The following UQCC5 variants were observed in gnomAD, a reference collection of about 807,000 sequenced individuals.
UQCC5 encodes ubiquinol-cytochrome c reductase complex assembly factor 5.
At chr3:52,540,297 T>C in the UQCC5 span, 9 of 673,726 alleles carry the variant, frequency 1.3e-5, no homozygotes, top group Non-Finnish European at 2.2e-5. Flanking sequence ...TATTTTGGCA[T>C]TGAGTTAAAT....
the UQCC5 span, chr3:52,541,443 AAC>A: frequency 1.3e-5 from 2 of 151,848 alleles, no homozygotes; most frequent in African/African-American, 4.9e-5. Context: ...CTCTGCCACA[AAC>A]ATGTCTCCTA....
chr3:52,540,032 T>A, the UQCC5 span, among the ~76,000 whole-genome samples: 4 of 152,200 alleles, frequency 2.6e-5, no homozygotes, highest in African/African-American at 4.8e-5. Context: ...CACCTGAAGG[T>A]TTCTGGATAT....
the UQCC5 span, among the ~76,000 whole-genome samples, chr3:52,537,870 G>T: frequency 6.6e-6 from 1 of 152,196 alleles, no homozygotes; most frequent in African/African-American, 2.4e-5. Context: ...TGAGGGGAAG[G>T]TGTGTGGAAT....
the UQCC5 span, among the ~76,000 whole-genome samples, chr3:52,538,709 C>A: frequency 6.6e-6 from 1 of 152,194 alleles, no homozygotes; most frequent in Non-Finnish European, 1.5e-5. Flanking sequence ...GATCTGCCCA[C>A]CTTGGCCTCC....
the UQCC5 span, among the ~76,000 whole-genome samples, chr3:52,539,199 G>T: frequency 4.0e-4 from 61 of 152,296 alleles, no homozygotes; most frequent in African/African-American, 1.4e-3. Flanking sequence ...GAAGCATGGG[G>T]AAGGGAGGAA....
At chr3:52,539,600 T>C in the UQCC5 span, among the ~76,000 whole-genome samples, 3 of 151,206 alleles carry the variant, frequency 2.0e-5, no homozygotes, top group African/African-American at 7.3e-5. Context: ...CAAAGAAAGA[T>C]GGTGGCAGAC....
At chr3:52,536,927 C>G in the UQCC5 span, 76 of 1,550,934 alleles carry the variant, frequency 4.9e-5, no homozygotes, top group Admixed American at 2.4e-4. Context: ...GGGTAGCAGT[C>G]TCTGTTTCCT....
At chr3:52,541,845 C>T in the UQCC5 span, 2 of 152,138 alleles carry the variant, frequency 1.3e-5, no homozygotes, top group Non-Finnish European at 2.9e-5. Flanking sequence ...ATACGTCATA[C>T]CTTTTACAAA....
At chr3:52,541,224 T>C in the UQCC5 span, 1 of 152,308 alleles carries the variant, frequency 6.6e-6, no homozygotes, top group East Asian at 1.9e-4. Context: ...GCTCAGTCTA[T>C]TGAGTGATTT....
chr3:52,539,582 G>C, the UQCC5 span, among the ~76,000 whole-genome samples: 3 of 152,102 alleles, frequency 2.0e-5, no homozygotes, highest in Non-Finnish European at 4.4e-5. Context: ...ATGATGGAGA[G>C]CAGGTGCCAA....
the UQCC5 span, chr3:52,540,506 T>C: frequency 1.3e-6 from 2 of 1,499,028 alleles, no homozygotes; most frequent in Admixed American, 2.7e-5. Flanking sequence ...CAGCAGTCAA[T>C]AAAGTCAATA....
the UQCC5 span, among the ~76,000 whole-genome samples, chr3:52,537,419 C>A: frequency 2.0e-5 from 3 of 152,226 alleles, no homozygotes; most frequent in South Asian, 6.2e-4. Flanking sequence ...TAACGCCTGG[C>A]ACTGCATTAC....
chr3:52,540,805 G>T, the UQCC5 span: 1 of 222,116 alleles, frequency 4.5e-6, no homozygotes, highest in Non-Finnish European at 8.7e-6. Flanking sequence ...ATTGTTTTCG[G>T]CAATCTTTGT....
the UQCC5 span, chr3:52,540,563 G>C: frequency 9.4e-7 from 1 of 1,061,830 alleles, no homozygotes. Context: ...ATACTTTTCA[G>C]ATCTCTTGTT....
the UQCC5 span, among the ~76,000 whole-genome samples, chr3:52,539,156 T>G: frequency 5.3e-5 from 8 of 152,016 alleles, no homozygotes; most frequent in Admixed American, 5.2e-4. Context: ...GTTAGAGGCA[T>G]CAGTTGGCCC....
At chr3:52,540,726 G>C in the UQCC5 span, 2 of 386,028 alleles carry the variant, frequency 5.2e-6, no homozygotes, top group South Asian at 6.0e-5. Context: ...CTCACTCGAT[G>C]AATCTAGTCC....
chr3:52,536,749 G>C, the UQCC5 span: 47,110 of 1,551,732 alleles, frequency 0.03, 2,205 homozygotes, highest in African/African-American at 0.22. Context: ...CACGACCTCG[G>C]TCGAGCATGT....
chr3:52,540,653 C>T, the UQCC5 span: 1 of 547,700 alleles, frequency 1.8e-6, no homozygotes, highest in Non-Finnish European at 3.1e-6. Flanking sequence ...TCTGTCTCTG[C>T]TTGAGTACTT....
At chr3:52,536,806 G>A in the UQCC5 span, 1 of 1,551,826 alleles carries the variant, frequency 6.4e-7, no homozygotes, top group Non-Finnish European at 8.7e-7. Context: ...TGCCCGGGAA[G>A]CAGCGATTTG....
Sources: gnomAD v4.1 joint callset for allele counts (sites outside exome capture counted in the v4.1 genomes callset) on GRCh38, gnomAD v4.1.1 for gene constraint, MANE v1.5 for transcripts, NCBI Gene and HGNC (gene_info 2026-07-23, HGNC 2026-07-21) for gene names.